The following SOX6 variants were observed in gnomAD, a reference collection of about 807,000 sequenced individuals.
SOX6 encodes the protein transcription factor SOX-6.
SOX6 carries 11 observed loss-of-function variants against 97.8 expected under a neutral mutation model. The observed-to-expected ratio is 0.11, with a 90% CI of 0.07 to 0.19. The LOEUF (loss-of-function observed/expected upper bound fraction) is 0.19. SOX6 is among the 10% of genes least tolerant of loss of function. SOX6 has a pLI of 1.00. For synonymous variants in SOX6, 360 were observed against 371.4 expected, an observed-to-expected ratio of 0.97 and a Z score of 0.35; for missense variants, 810 against 1,039.5, an observed-to-expected ratio of 0.78 and a Z score of 3.04.
intron 9 of SOX6, among the ~76,000 whole-genome samples, chr11:16,063,274 G>T (rs1004526448): frequency 6.6e-6 from 1 of 150,920 alleles, no homozygotes; most frequent in Non-Finnish European, 1.5e-5. Flanking sequence ...TTAACCCAAA[G>T]CAGTAGGTCC....
chr11:16,597,336 GTGTGTA>G (rs200904473), intron 4 of SOX6, among the ~76,000 whole-genome samples: 2 of 150,946 alleles, frequency 1.3e-5, no homozygotes, highest in East Asian at 1.9e-4. Context: ...GTATATGTGT[GTGTGTA>G]TATATATATA....
chr11:16,460,596 C>T (rs1450674907), intron 1 of SOX6, among the ~76,000 whole-genome samples: 1 of 151,986 alleles, frequency 6.6e-6, no homozygotes, highest in Non-Finnish European at 1.5e-5. Flanking sequence ...TGCACTATTT[C>T]CTCATCTTGA....
chr11:16,385,190 T>C (rs1303314169), intron 1 of SOX6, among the ~76,000 whole-genome samples: 2 of 152,064 alleles, frequency 1.3e-5, no homozygotes, highest in Non-Finnish European at 2.9e-5. Context: ...GAATCATAAC[T>C]AGAATTCAGA....
At chr11:16,644,641 C>T (rs1440633474) in intron 3 of SOX6, among the ~76,000 whole-genome samples, 1 of 151,926 alleles carries the variant, frequency 6.6e-6, no homozygotes, top group African/African-American at 2.4e-5. Context: ...TGTGTTAATT[C>T]TACTGTGTAT....
intron 1 of SOX6, among the ~76,000 whole-genome samples, chr11:16,374,737 C>G (rs1326647695): frequency 6.6e-6 from 1 of 151,974 alleles, no homozygotes; most frequent in African/African-American, 2.4e-5. Flanking sequence ...TTTATCCACT[C>G]TATTCTTAGG....
chr11:16,148,025 A>G (rs1361059613), intron 6 of SOX6, among the ~76,000 whole-genome samples: 1 of 152,216 alleles, frequency 6.6e-6, no homozygotes, highest in Admixed American at 6.5e-5. Flanking sequence ...AATGCTAGTT[A>G]ACAAACTATA....
chr11:16,338,124 G>A (rs1277835106), intron 2 of SOX6, among the ~76,000 whole-genome samples: 1 of 151,902 alleles, frequency 6.6e-6, no homozygotes, highest in Non-Finnish European at 1.5e-5. Context: ...AAATAACAAT[G>A]GAAACTGTAT....
At chr11:16,470,019 A>G (rs1860112519) in intron 1 of SOX6, among the ~76,000 whole-genome samples, 1 of 152,160 alleles carries the variant, frequency 6.6e-6, no homozygotes, top group African/African-American at 2.4e-5. Flanking sequence ...ACTCCTTTCA[A>G]TTAAAGTAGA....
At chr11:16,173,018 C>G (rs187042363) in intron 6 of SOX6, among the ~76,000 whole-genome samples, 2 of 151,882 alleles carry the variant, frequency 1.3e-5, no homozygotes, top group Admixed American at 6.6e-5. Context: ...AAATTGTGGC[C>G]TCCCAGAGCC....
intron 2 of SOX6, among the ~76,000 whole-genome samples, chr11:16,723,992 C>T (rs1848286294): frequency 6.6e-6 from 1 of 152,136 alleles, no homozygotes; most frequent in Admixed American, 6.5e-5. Flanking sequence ...AGTTTGTATA[C>T]AAATTATAAT....
intron 1 of SOX6, among the ~76,000 whole-genome samples, chr11:16,456,339 G>A (rs532972680): frequency 4.6e-5 from 7 of 152,190 alleles, no homozygotes; most frequent in South Asian, 2.1e-4. Flanking sequence ...TCAGCTCCTC[G>A]GTTTCAGTTC....
chr11:16,364,794 T>C (rs574432382), intron 1 of SOX6, among the ~76,000 whole-genome samples: 1 of 152,246 alleles, frequency 6.6e-6, no homozygotes, highest in African/African-American at 2.4e-5. Context: ...GCAGAGGCAG[T>C]GTGACATAGC....
chr11:16,469,218 T>A (rs1425234900), intron 1 of SOX6, among the ~76,000 whole-genome samples: 5 of 152,156 alleles, frequency 3.3e-5, no homozygotes, highest in Admixed American at 3.3e-4. Context: ...ATTAACAAAC[T>A]TTTTAGAGCA....
At position 16,493,901 on chromosome 11, in the gene SOX6, A is replaced by T. The variant is rs187975512; in HGVS notation, n.610-17513T>A. 5.8e-4 allele frequency among the ~76,000 whole-genome samples: 88 copies of T among 152,278 alleles called. No individual in the cohort carries two copies. The Middle Eastern group carries it at 0.01, about 18-fold the overall frequency. On this transcript the variant is annotated intron_variant and non_coding_transcript_variant, in intron 4 of 5. Coordinates refer to the SOX6 transcript ENST00000524520. ...AATATAAGCTTTAACCCATAATTCC[A>T]TCTCTAGAAATTTTTCCTACGTAGA...
intron 3 of SOX6, among the ~76,000 whole-genome samples, chr11:16,280,231 T>C (rs1370492799): frequency 1.3e-5 from 2 of 152,098 alleles, no homozygotes; most frequent in Non-Finnish European, 2.9e-5. Context: ...AAAAATGATA[T>C]CAAATTTGCT....
intron 12 of SOX6, among the ~76,000 whole-genome samples, chr11:16,037,659 C>G (rs1026214042): frequency 6.6e-6 from 1 of 152,120 alleles, no homozygotes; most frequent in Non-Finnish European, 1.5e-5. Context: ...AGTCACAGAC[C>G]TGTGAGTTGT....
chr11:16,685,150 A>T (rs1458012503), intron 3 of SOX6, among the ~76,000 whole-genome samples: 1 of 152,080 alleles, frequency 6.6e-6, no homozygotes, highest in Non-Finnish European at 1.5e-5. Flanking sequence ...ATATATTCAA[A>T]CTATATCATT....
At chr11:16,114,031 T>A (rs1384326561) in intron 6 of SOX6, among the ~76,000 whole-genome samples, 1 of 152,198 alleles carries the variant, frequency 6.6e-6, no homozygotes, top group Non-Finnish European at 1.5e-5. Flanking sequence ...ATGGTATATA[T>A]CCTTTCCCTA....
At chr11:16,634,413 G>C (rs1487663766) in intron 3 of SOX6, among the ~76,000 whole-genome samples, 2 of 151,880 alleles carry the variant, frequency 1.3e-5, no homozygotes. Context: ...GTCTCAGAAA[G>C]AGGAGAAAGA....
Sources: allele counts gnomAD v4.1 joint callset (sites outside exome capture counted in the v4.1 genomes callset), GRCh38; gene constraint gnomAD v4.1.1; transcripts MANE v1.5; gene names NCBI Gene and HGNC (gene_info 2026-07-23, HGNC 2026-07-21).